Variants in CFAP54 observed in about 807,000 individuals in gnomAD.
The protein encoded by CFAP54 is cilia and flagella associated protein 54, also known as cilia- and flagella-associated protein 54.
A neutral mutation model predicts 370.4 loss-of-function variants in CFAP54; 290 were observed. The ratio of observed to expected loss-of-function variants is 0.78; its 90% CI spans 0.71 to 0.86. The LOEUF is 0.86. Among genes scored for constraint, CFAP54 ranks in the 40% least tolerant of loss-of-function variants. CFAP54 has a pLI of 0.00. For synonymous variants in CFAP54, 1,206 were observed against 1,236.5 expected, an observed-to-expected ratio of 0.98 and a Z score of 0.52; for missense variants, 3,399 against 3,528.7, an observed-to-expected ratio of 0.96 and a Z score of 0.93.
At chr12:96,849,537 G>T (rs1345758545) in intron 66 of CFAP54, among the ~76,000 whole-genome samples, 1 of 152,186 alleles carries the variant, frequency 6.6e-6, no homozygotes, top group Non-Finnish European at 1.5e-5. Context: ...TAGATTCTTT[G>T]AAGACTACAT....
chr12:96,862,038 A>T (rs1191324800), intron 67 of CFAP54, among the ~76,000 whole-genome samples: 5 of 152,218 alleles, frequency 3.3e-5, no homozygotes, highest in Admixed American at 3.3e-4. Context: ...AAAAAATGAA[A>T]CAACGGTAAT....
intron 63 of CFAP54, among the ~76,000 whole-genome samples, chr12:96,808,287 G>A (rs543278192): frequency 5.3e-5 from 8 of 152,080 alleles, no homozygotes; most frequent in South Asian, 2.1e-4. Flanking sequence ...AGTCCCATTC[G>A]TCACTCTATT....
At chr12:96,734,003 G>T (rs370359908) in intron 50 of CFAP54, among the ~76,000 whole-genome samples, 1 of 152,170 alleles carries the variant, frequency 6.6e-6, no homozygotes, top group Non-Finnish European at 1.5e-5. Flanking sequence ...GGGAGGAAGA[G>T]TGTGGGGAGG....
At chr12:96,839,487 A>G (rs1013079359) in intron 66 of CFAP54, among the ~76,000 whole-genome samples, 3 of 152,178 alleles carry the variant, frequency 2.0e-5, no homozygotes, top group African/African-American at 7.2e-5. Flanking sequence ...GGCTGCAATA[A>G]TGCAAGTGCA....
intron 35 of CFAP54, 72 bp downstream of exon 35, chr12:96,650,144 C>T (rs1592686978): frequency 7.9e-7 from 1 of 1,269,928 alleles, no homozygotes; most frequent in East Asian, 2.4e-5. Context: ...GTTTAAGATA[C>T]ATTGTGTTTA....
chr12:96,704,390 G>A (rs1193233682), intron 46 of CFAP54, among the ~76,000 whole-genome samples: 3 of 136,872 alleles, frequency 2.2e-5, no homozygotes, highest in East Asian at 4.2e-4. Context: ...TGGCGCCACT[G>A]CACTCCAGCC....
At chr12:96,736,849 C>A (rs1957985896) in intron 50 of CFAP54, among the ~76,000 whole-genome samples, 1 of 152,144 alleles carries the variant, frequency 6.6e-6, no homozygotes, top group Non-Finnish European at 1.5e-5. Flanking sequence ...AAAAATTCAA[C>A]AAAACCAAAC....
At chr12:96,643,141 A>C (rs921791039) in intron 32 of CFAP54, among the ~76,000 whole-genome samples, 1 of 152,198 alleles carries the variant, frequency 6.6e-6, no homozygotes, top group Non-Finnish European at 1.5e-5. Context: ...GGATACAGCT[A>C]TTAAAAAGAT....
chr12:96,583,585 A>T (rs1592863292), intron 22 of CFAP54, among the ~76,000 whole-genome samples: 2 of 152,336 alleles, frequency 1.3e-5, no homozygotes, highest in Admixed American at 1.3e-4. Context: ...TAACTCCATG[A>T]GGTAGTATGA....
intron 66 of CFAP54, among the ~76,000 whole-genome samples, chr12:96,835,601 CA>C (rs556511514): frequency 6.6e-6 from 1 of 152,186 alleles, no homozygotes; most frequent in African/African-American, 2.4e-5. Context: ...GTGCCAACAG[CA>C]AGGAGAAGCC....
At chr12:96,681,122 C>CCA (rs974237244) in intron 40 of CFAP54, among the ~76,000 whole-genome samples, 1 of 84,706 alleles carries the variant, frequency 1.2e-5, no homozygotes, top group African/African-American at 4.4e-5. Context: ...CACCCCCCCA[C>CCA]ACACACACAC....
intron 29 of CFAP54, among the ~76,000 whole-genome samples, chr12:96,626,367 C>G (rs1956549176): frequency 1.4e-5 from 2 of 143,736 alleles, no homozygotes; most frequent in African/African-American, 5.2e-5. Flanking sequence ...GCCTGGGCGA[C>G]AGAGTGAGAC....
intron 47 of CFAP54, among the ~76,000 whole-genome samples, chr12:96,705,151 G>A (rs1176078415): frequency 6.6e-6 from 1 of 152,110 alleles, no homozygotes; most frequent in Admixed American, 6.5e-5. Context: ...CTATGAATGG[G>A]GAAGGAGTTC....
At position 96,827,948 on chromosome 12, in the gene CFAP54, T is replaced by G. The variant is rs1157176163; in HGVS notation, c.9097-1066T>G. Among the ~76,000 whole-genome samples the G allele has an allele frequency of 5.0e-4, 52 of 104,644 alleles. No individual in the cohort carries two copies. The East Asian group carries it at 0.012, about 24-fold the overall frequency. 68.7% of individuals were successfully genotyped at this position (104,644 alleles called of 152,430 possible). On this transcript the variant is annotated intron_variant, in intron 65 of 67. Transcript: ENST00000524981. ...ATATTATATATAGTTATATATAATA[T>G]ATAATTATATATAATACATAGTAAT... is the stretch of plus-strand genomic sequence containing the variant.
At chr12:96,665,787 A>G (rs1291017602) in intron 39 of CFAP54, among the ~76,000 whole-genome samples, 1 of 152,076 alleles carries the variant, frequency 6.6e-6, no homozygotes, top group Non-Finnish European at 1.5e-5. Context: ...GCTTAGTATT[A>G]TCTTGGCTAT....
rs143987672 is a variant in CFAP54, at chr12:96,796,477, G to A, written c.8850+3978G>A. Among the ~76,000 whole-genome samples, 1,152 of 152,234 alleles carry A rather than the reference G, an allele frequency of 7.6e-3. 20 individuals carry two copies. The highest frequency in any genetic ancestry group is 0.026 in the African/African-American group (1,081 of 41,552). On this transcript the variant is annotated intron_variant, in intron 63 of 67. Coordinates refer to ENST00000524981, the MANE Select transcript of CFAP54 (RefSeq NM_001306084.2). Reference sequence around the variant, plus strand: ...TTAGAACTCATCAGTAAAGCCAGCTGAACCTACTGTTTTCTTTCTGAGAAA... The same window carrying A: ...TTAGAACTCATCAGTAAAGCCAGCTAAACCTACTGTTTTCTTTCTGAGAAA...
At chr12:96,604,688 T>A (rs1482198462) in intron 26 of CFAP54, among the ~76,000 whole-genome samples, 2 of 152,198 alleles carry the variant, frequency 1.3e-5, no homozygotes, top group Non-Finnish European at 2.9e-5. Context: ...CAGTGGTGGA[T>A]GTCCTTCTGC....
At chr12:96,660,549 A>G (rs1235212742) in intron 38 of CFAP54, among the ~76,000 whole-genome samples, 1 of 152,170 alleles carries the variant, frequency 6.6e-6, no homozygotes, top group African/African-American at 2.4e-5. Context: ...CAGAAGAGCA[A>G]AACTAGTAAG....
At chr12:96,666,481 T>C (rs1957081545) in intron 39 of CFAP54, among the ~76,000 whole-genome samples, 2 of 152,208 alleles carry the variant, frequency 1.3e-5, no homozygotes, top group Admixed American at 1.3e-4. Context: ...GAATTCACAG[T>C]TCCAGATGGC....
Sources: allele counts gnomAD v4.1 joint callset (sites outside exome capture counted in the v4.1 genomes callset), GRCh38; gene constraint gnomAD v4.1.1; transcripts MANE v1.5; gene names NCBI Gene and HGNC (gene_info 2026-07-23, HGNC 2026-07-21).